Variants in GPM6A observed in about 807,000 individuals in gnomAD.
The protein encoded by GPM6A is neuronal membrane glycoprotein M6-a.
A neutral mutation model predicts 32.1 loss-of-function variants in GPM6A; 7 were observed. The ratio of observed to expected loss-of-function variants is 0.22; its 90% confidence interval spans 0.12 to 0.41. The LOEUF (loss-of-function observed/expected upper bound fraction) is 0.41. GPM6A is among the 10% of genes least tolerant of loss of function. GPM6A has a pLI of 1.00. For missense variants in GPM6A, 235 were observed against 347.2 expected (o/e 0.68, Z 2.57); for synonymous variants, 130 against 123.4 (o/e 1.05, Z -0.35).
chr4:175,639,218 T>C (rs1740993720), intron 6 of GPM6A, among the ~76,000 whole-genome samples: 2 of 152,170 alleles, frequency 1.3e-5, no homozygotes, highest in African/African-American at 4.8e-5. Flanking sequence ...ATAACCACTC[T>C]GACATGGCTA....
At chr4:175,693,404 T>C (rs1293612071) in intron 2 of GPM6A, among the ~76,000 whole-genome samples, 4 of 151,728 alleles carry the variant, frequency 2.6e-5, no homozygotes, top group Admixed American at 2.6e-4. Flanking sequence ...AAATTCATGA[T>C]TGCTCAATTT....
At chr4:175,680,852 A>G (rs1047997110) in intron 2 of GPM6A, among the ~76,000 whole-genome samples, 5 of 152,146 alleles carry the variant, frequency 3.3e-5, no homozygotes, top group Non-Finnish European at 7.3e-5. Context: ...TATTCTTCAT[A>G]TATACTCCAT....
intron 1 of GPM6A, among the ~76,000 whole-genome samples, chr4:175,811,330 C>A (rs1734909368): frequency 6.6e-6 from 1 of 152,024 alleles, no homozygotes; most frequent in Admixed American, 6.6e-5. Flanking sequence ...GAAAATGAGA[C>A]CATTTTCTCT....
At chr4:175,637,205 C>CAT (rs1164288214) in intron 6 of GPM6A, among the ~76,000 whole-genome samples, 4 of 15,568 alleles carry the variant, frequency 2.6e-4, no homozygotes, top group East Asian at 4.3e-3. Context: ...TTATATGTGA[C>CAT]ATAATATATC....
chr4:175,825,186 G>C (rs1436053072), intron 1 of GPM6A, among the ~76,000 whole-genome samples: 1 of 152,144 alleles, frequency 6.6e-6, no homozygotes, highest in African/African-American at 2.4e-5. Context: ...AAAAAACAGA[G>C]TGAATGTTAA....
chr4:175,858,225 C>T (rs1736471064), intron 1 of GPM6A, among the ~76,000 whole-genome samples: 1 of 152,164 alleles, frequency 6.6e-6, no homozygotes, highest in Non-Finnish European at 1.5e-5. Flanking sequence ...GACATCGCTA[C>T]ACACTTATTA....
rs111739560 is a variant in GPM6A, at chr4:175,912,870, G to A, written c.-23+89439C>T. ...GCATAATACCTGTCACCTTGTAGGTGATAAATAAATGTTAGGTATCATTAT... is the reference window on the plus strand; with the variant it reads ...GCATAATACCTGTCACCTTGTAGGTAATAAATAAATGTTAGGTATCATTAT... On this transcript the variant is annotated intron_variant, in intron 1 of 7. Transcript: ENST00000280187. Among the ~76,000 whole-genome samples, 104 of 152,192 alleles carry A rather than the reference G, an allele frequency of 6.8e-4. 2 individuals are homozygous for A. Among genetic ancestry groups the A allele is most frequent in the African/African-American group, 2.5e-3 (103 of 41,528 alleles).
In GPM6A at chr4:175,747,009, C is replaced by T. The variant is rs34784658; in HGVS notation, c.38-45242G>A. 8.5e-3 allele frequency among the ~76,000 whole-genome samples: 1,295 copies of T among 152,168 alleles called. 18 individuals are homozygous for T. Among genetic ancestry groups the T allele is most frequent in the Non-Finnish European group, 1.0e-2 (677 of 67,994 alleles). ...AAACCTAGGCTGGCATGGTGGCTCA[C>T]GCCTGTAATCCCAGCACTTTAGGAG... On this transcript the variant is annotated intron_variant, in intron 1 of 6. Coordinates refer to ENST00000393658, the MANE Select transcript of GPM6A (RefSeq NM_201591.3).
At chr4:175,779,094 A>T (rs1462243546) in intron 1 of GPM6A, among the ~76,000 whole-genome samples, 1 of 152,192 alleles carries the variant, frequency 6.6e-6, no homozygotes, top group Non-Finnish European at 1.5e-5. Flanking sequence ...TCCAGTTCCC[A>T]GAAATGCTTA....
chr4:175,784,458 G>A (rs568734060), intron 1 of GPM6A, among the ~76,000 whole-genome samples: 1 of 152,210 alleles, frequency 6.6e-6, no homozygotes, highest in Non-Finnish European at 1.5e-5. Context: ...CTATGTTAAT[G>A]TATTAATTTT....
chr4:175,871,023 C>T (rs1255974778), intron 1 of GPM6A, among the ~76,000 whole-genome samples: 5 of 151,840 alleles, frequency 3.3e-5, no homozygotes, highest in Non-Finnish European at 5.9e-5. Context: ...TCTTTAGAAC[C>T]ATTCATCTTC....
At chr4:175,711,455 T>TATATAC (rs1745534988) in intron 1 of GPM6A, among the ~76,000 whole-genome samples, 9 of 30,700 alleles carry the variant, frequency 2.9e-4, no homozygotes, top group Admixed American at 1.2e-3. Context: ...TATATATATA[T>TATATAC]ATACACACAC....
At chr4:175,948,371 G>A (rs1301138497) in intron 1 of GPM6A, among the ~76,000 whole-genome samples, 1 of 152,182 alleles carries the variant, frequency 6.6e-6, no homozygotes, top group Non-Finnish European at 1.5e-5. Flanking sequence ...AGAATACAAT[G>A]AGAAGATGGC....
At chr4:175,945,566 TGTAA>T (rs1220407379) in intron 1 of GPM6A, among the ~76,000 whole-genome samples, 5 of 151,832 alleles carry the variant, frequency 3.3e-5, no homozygotes, top group African/African-American at 7.3e-5. Flanking sequence ...ATTACTTAGT[TGTAA>T]GTAATACGCA....
rs1736501217 is a variant in GPM6A at position 175,859,159 on chromosome 4, G to C, written c.-22-46910C>G. On this transcript the variant is annotated intron_variant, in intron 1 of 7. Transcript: ENST00000280187. The stretch of plus-strand genomic sequence containing the variant: ...TATACATGTTAAATGTCTTAACTGT[G>C]GTTATGGTTTCATGGATGTATAAAT... Among the ~76,000 whole-genome samples the C allele has an allele frequency of 1.3e-5, 2 of 152,092 alleles. 1 individual carries two copies. Among genetic ancestry groups the C allele is most frequent in the South Asian group, 4.1e-4 (2 of 4,826 alleles).
upstream of GPM6A, among the ~76,000 whole-genome samples, chr4:175,817,246 A>G (rs777869214): frequency 6.6e-6 from 1 of 152,268 alleles, no homozygotes; most frequent in Non-Finnish European, 1.5e-5. Context: ...CTTCAGAGTT[A>G]CATAATCATA....
chr4:175,720,847 G>C lies in GPM6A; in HGVS notation c.38-19080C>G, dbSNP rs116832745. On this transcript the variant is annotated intron_variant, in intron 1 of 6. Coordinates refer to ENST00000393658, the MANE Select transcript of GPM6A (RefSeq NM_201591.3). The stretch of plus-strand genomic sequence containing the variant: ...TGGATCTTGAACTGAAGAAACCTTA[G>C]AAATGTATTTCACAATGTAAAGAAA... Among the ~76,000 whole-genome samples, 338 of 151,992 alleles carry C rather than the reference G, an allele frequency of 2.2e-3. 2 individuals carry two copies. The highest frequency in any genetic ancestry group is 7.8e-3 in the African/African-American group (322 of 41,458).
intron 1 of GPM6A, among the ~76,000 whole-genome samples, chr4:175,859,662 C>T (rs1242122499): frequency 6.6e-6 from 1 of 152,104 alleles, no homozygotes; most frequent in East Asian, 1.9e-4. Flanking sequence ...TCCCCACTCC[C>T]CACTCACTTG....
chr4:175,854,676 T>C (rs1229871111), intron 1 of GPM6A, among the ~76,000 whole-genome samples: 1 of 152,164 alleles, frequency 6.6e-6, no homozygotes, highest in Non-Finnish European at 1.5e-5. Context: ...AGTGCTGAAC[T>C]CCGTGAGTTG....
Sources: gnomAD v4.1 joint callset for allele counts (sites outside exome capture counted in the v4.1 genomes callset) on GRCh38, gnomAD v4.1.1 for gene constraint, MANE v1.5 for transcripts, NCBI Gene and HGNC (gene_info 2026-07-23, HGNC 2026-07-21) for gene names.